Variants in NEUROD4 observed in about 807,000 individuals in gnomAD.
The protein encoded by NEUROD4 is neuronal differentiation 4.
In NEUROD4, 16 loss-of-function variants were observed where a neutral mutation model predicts 19.8. The ratio of observed to expected loss-of-function variants is 0.81; its 90% confidence interval spans 0.55 to 1.23. The LOEUF (loss-of-function observed/expected upper bound fraction) is 1.23. Among genes scored for constraint, NEUROD4 ranks in the 50% most tolerant of loss-of-function variants. NEUROD4 has a pLI of 0.00. For missense variants in NEUROD4, 439 were observed against 398.6 expected (o/e 1.10, Z -0.86); for synonymous variants, 153 against 147.9 (o/e 1.03, Z -0.25).
intron 1 of NEUROD4, among the ~76,000 whole-genome samples, chr12:55,023,490 T>C (rs1455163893): frequency 6.6e-6 from 1 of 152,216 alleles, no homozygotes; most frequent in Admixed American, 6.5e-5. Flanking sequence ...ATAACCTGTA[T>C]GTTAGCCTTA....
rs866926314 is a variant in NEUROD4 at position 55,026,713 on chromosome 12, G to A, written c.274G>A (p.Ala92Thr). Reference protein sequence around the residue: ...LERFRARRVKANARERTRMHG... With the variant: ...LERFRARRVKTNARERTRMHG... ...GAGATTCAGGGCTCGAAGAGTCAAG[G>A]CTAATGCCAGAGAACGGACCCGGAT... The change falls in exon 2 of 2, where the codon GCT (alanine) becomes ACT (threonine). Residue 92 changes from alanine to threonine, a missense_variant. Ala to Thr is a moderately conservative substitution (Grantham distance 58, BLOSUM62 0). Coordinates refer to ENST00000242994, the MANE Select transcript of NEUROD4 (RefSeq NM_021191.3). 6.2e-7 allele frequency: 1 copy of A among 1,614,172 alleles called. No individual in the cohort carries two copies.
Position 55,026,604 on chromosome 12 carries a change from GGAA to G in NEUROD4, c.177_179del (p.Glu62del), listed in dbSNP as rs759547386. On this transcript the variant is annotated inframe_deletion, in exon 2 of 2. Transcript: ENST00000242994. Reference sequence around the variant, plus strand: ...TAACTGAAGAGCATGACAGTATTGAGGAAGAAGAAGAAGAGGAAGAAGATGGGG... The same window carrying G: ...TAACTGAAGAGCATGACAGTATTGAGGAAGAAGAAGAGGAAGAAGATGGGG... 9 of 1,613,720 alleles carry G rather than the reference GGAA, an allele frequency of 5.6e-6. No homozygotes were observed. The highest frequency in any genetic ancestry group is 3.3e-5 in the Admixed American group (2 of 59,988).
In NEUROD4 at chr12:55,020,032, C is replaced by G. The variant is rs1952664478; in HGVS notation, c.-291C>G. The G allele has an allele frequency of 6.6e-6, 1 of 152,264 alleles. No homozygotes were observed. Among genetic ancestry groups the G allele is most frequent in the African/African-American group, 2.4e-5 (1 of 41,442 alleles). The allele number at this position is 152,264 out of a possible 1,614,324, so 9.4% of individuals were successfully genotyped here. ...TGAAAGCTCCTCTCCGGGGAGCTAA[C>G]CAGGGAGAGGAGGTACTGAAGAGCG... On this transcript the variant is annotated 5_prime_UTR_variant, in exon 1 of 2. Coordinates refer to ENST00000242994, the MANE Select transcript of NEUROD4 (RefSeq NM_021191.3).
Position 55,026,591 on chromosome 12 carries a change from A to G in NEUROD4, c.152A>G (p.His51Arg), listed in dbSNP as rs1456050453. ...ATGCTCAGCAGCTTAACTGAAGAGC[A>G]TGACAGTATTGAGGAAGAAGAAGAA... ...YGMLSSLTEE[H>R]DSIEEEEEEE... is the part of the protein sequence containing the mutation. The change falls in exon 2 of 2, where the codon CAT becomes CGT. Residue 51 changes from histidine to arginine, a missense_variant. Transcript: ENST00000242994. 2.5e-6 allele frequency: 4 copies of G among 1,613,944 alleles called. No individual in the cohort carries two copies. In the African/African-American group the frequency reaches 4.0e-5, roughly 16 times the overall value.
chr12:55,021,918 C>A (rs1952675954), intron 1 of NEUROD4, among the ~76,000 whole-genome samples: 1 of 152,062 alleles, frequency 6.6e-6, no homozygotes, highest in African/African-American at 2.4e-5. Flanking sequence ...AGCCTATTTC[C>A]TATGTAATTT....
chr12:55,027,667 T>C lies in NEUROD4; in HGVS notation c.*232T>C. The stretch of plus-strand genomic sequence containing the variant: ...AAAATATTTGATGATTTAACAACCA[T>C]GTGAAAATAGAACAGAAGACCTGGG... On this transcript the variant is annotated 3_prime_UTR_variant, in exon 2 of 2. Transcript: ENST00000242994. The C allele has an allele frequency of 2.2e-6, 1 of 446,154 alleles. No individual in the cohort carries two copies. Among genetic ancestry groups the C allele is most frequent in the East Asian group, 3.6e-5 (1 of 27,824 alleles). 27.6% of individuals were successfully genotyped at this position (446,154 alleles called of 1,614,324 possible).
In NEUROD4 at chr12:55,026,465, A is replaced by T. The variant is rs777347489; in HGVS notation, c.26A>T (p.Lys9Met). 4 of 1,608,188 alleles carry T rather than the reference A, an allele frequency of 2.5e-6. No individual in the cohort carries two copies. The highest frequency in any genetic ancestry group is 3.4e-6 in the Non-Finnish European group (4 of 1,177,956). Residue 9 changes from lysine to methionine, a missense_variant, in exon 2 of 2, where the codon AAG becomes ATG. Physicochemically the swap from Lys to Met is moderately conservative, Grantham distance 95 (BLOSUM62 -1). Transcript: ENST00000242994. Reference protein sequence around the residue: MSKTFVKSKEMGELVNTPS... With the variant: MSKTFVKSMEMGELVNTPS... ...ATGTCAAAAACTTTTGTAAAATCCA[A>T]GGAGATGGGAGAGCTAGTCAACACA...
intron 1 of NEUROD4, among the ~76,000 whole-genome samples, chr12:55,023,192 G>A (rs953798951): frequency 6.6e-6 from 1 of 152,088 alleles, no homozygotes; most frequent in East Asian, 1.9e-4. Context: ...TGACACTGGA[G>A]TCTGTGCTAT....
Position 55,029,109 on chromosome 12 carries a change from CT to C in NEUROD4, c.*1675del, listed in dbSNP as rs1952766791. On this transcript the variant is annotated 3_prime_UTR_variant, in exon 2 of 2. Transcript: ENST00000242994. ...TCATTTTCTATAGCTCAGCTATCCC[CT>C]AAAATCTGCCAACTATATGTGTATC... The C allele has an allele frequency of 6.0e-6, 1 of 167,016 alleles. No individual in the cohort carries two copies. The highest frequency in any genetic ancestry group is 2.4e-5 in the African/African-American group (1 of 41,450). The allele number at this position is 167,016 out of a possible 1,614,324, so 10.3% of individuals were successfully genotyped here.
rs547320662 is a variant in NEUROD4, at chr12:55,027,290, C to T, written c.851C>T (p.Pro284Leu). The change falls in exon 2 of 2, where the codon CCT becomes CTT. Residue 284 changes from proline to leucine, a missense_variant. Physicochemically the swap from Pro to Leu is moderately conservative, Grantham distance 98. Coordinates refer to ENST00000242994, the MANE Select transcript of NEUROD4 (RefSeq NM_021191.3). ...TCCTACAGCTTCATGCCACATTACCCTTCTTCAAGTCTAAGCTCAGGGCAT... is the reference window on the plus strand; with the variant it reads ...TCCTACAGCTTCATGCCACATTACCTTTCTTCAAGTCTAAGCTCAGGGCAT... Reference protein sequence around the residue: ...EKSYSFMPHYPSSSLSSGHVH... With the variant: ...EKSYSFMPHYLSSSLSSGHVH... 2.4e-4 allele frequency: 395 copies of T among 1,614,122 alleles called. 6 individuals carry two copies. The South Asian group carries it at 3.8e-3, about 16-fold the overall frequency.
rs1265129016 is a variant in NEUROD4, at chr12:55,026,736, G to T, written c.297G>T (p.Arg99=). 1 of 1,614,170 alleles carries T rather than the reference G, an allele frequency of 6.2e-7. No individual in the cohort carries two copies. Among genetic ancestry groups the T allele is most frequent in the Non-Finnish European group, 8.5e-7 (1 of 1,180,014 alleles). The change falls in exon 2 of 2, where the codon CGG becomes CGT. Residue 99 remains arginine (R), a synonymous_variant. Transcript: ENST00000242994. The stretch of plus-strand genomic sequence containing the variant: ...AGGCTAATGCCAGAGAACGGACCCG[G>T]ATGCATGGCCTGAATGACGCCCTGG... ...RVKANARERT[R]MHGLNDALDN... is the part of the protein sequence containing the mutation.
Position 55,029,584 on chromosome 12 carries a change from A to G in NEUROD4, c.*2149A>G, listed in dbSNP as rs997075274. 6.0e-6 allele frequency: 1 copy of G among 167,088 alleles called. No homozygotes were observed. The highest frequency in any genetic ancestry group is 2.4e-5 in the African/African-American group (1 of 41,460). 10.4% of individuals were successfully genotyped at this position (167,088 alleles called of 1,614,324 possible). On this transcript the variant is annotated 3_prime_UTR_variant, in exon 2 of 2. Coordinates refer to ENST00000242994, the MANE Select transcript of NEUROD4 (RefSeq NM_021191.3). Reference sequence around the variant, plus strand: ...ACCCTTCCTAAAATTTTATTTGGAAAGTAGCTCATAATTTTGCTAAGAACT... The same window carrying G: ...ACCCTTCCTAAAATTTTATTTGGAAGGTAGCTCATAATTTTGCTAAGAACT...
chr12:55,022,968 T>A (rs183163783), intron 1 of NEUROD4, among the ~76,000 whole-genome samples: 2 of 152,186 alleles, frequency 1.3e-5, no homozygotes, highest in Admixed American at 1.3e-4. Flanking sequence ...AGGAGAACAA[T>A]ACCTAAAACT....
chr12:55,022,965 C>G (rs2656806), intron 1 of NEUROD4, among the ~76,000 whole-genome samples: 9,319 of 152,110 alleles, frequency 0.061, 535 homozygotes, highest in African/African-American at 0.14. Context: ...TTTAGGAGAA[C>G]AATACCTAAA....
intron 1 of NEUROD4, among the ~76,000 whole-genome samples, chr12:55,022,773 T>C (rs1394589): frequency 0.45 from 68,582 of 151,928 alleles, 18,344 homozygotes; most frequent in African/African-American, 0.74. Flanking sequence ...TACCTCTTGC[T>C]ACAGAACAGA....
chr12:55,022,521 C>T (rs182902831), intron 1 of NEUROD4, among the ~76,000 whole-genome samples: 79 of 152,218 alleles, frequency 5.2e-4, no homozygotes, highest in African/African-American at 1.8e-3. Context: ...TTTCACTTCT[C>T]TCTGATAGAC....
intron 1 of NEUROD4, among the ~76,000 whole-genome samples, chr12:55,022,339 T>G (rs1480839754): frequency 6.6e-6 from 1 of 152,136 alleles, no homozygotes; most frequent in Non-Finnish European, 1.5e-5. Context: ...GATCACAACT[T>G]TTGTTGTGAT....
intron 1 of NEUROD4, among the ~76,000 whole-genome samples, chr12:55,020,752 G>A (rs1952668550): frequency 6.6e-6 from 1 of 152,176 alleles, no homozygotes; most frequent in Non-Finnish European, 1.5e-5. Flanking sequence ...GGAGGGGGAG[G>A]CAGGGAAAGG....
intron 1 of NEUROD4, among the ~76,000 whole-genome samples, chr12:55,024,590 C>T (rs747108355): frequency 7.4e-4 from 113 of 152,330 alleles, no homozygotes; most frequent in Non-Finnish European, 1.3e-3. Context: ...TCTGGAAGAG[C>T]TGTGTTACTT....
Sources: allele counts gnomAD v4.1 joint callset (sites outside exome capture counted in the v4.1 genomes callset), GRCh38; gene constraint gnomAD v4.1.1; transcripts MANE v1.5; gene names NCBI Gene and HGNC (gene_info 2026-07-23, HGNC 2026-07-21).